CHST11: variants seen among roughly 807,000 people sequenced by gnomAD.
The protein encoded by CHST11 is carbohydrate sulfotransferase 11, also known as C4S-1.
In CHST11, 9 loss-of-function variants were observed where a neutral mutation model predicts 30.4. The ratio of observed to expected loss-of-function variants is 0.30; its 90% CI spans 0.18 to 0.52. CHST11 has a LOEUF of 0.52. CHST11 is among the 20% of genes least tolerant of loss of function. CHST11 has a pLI of 0.97. For synonymous variants in CHST11, 152 were observed against 187.8 expected (o/e 0.81, Z 1.56); for missense variants, 348 against 460.6 (o/e 0.76, Z 2.24).
At chr12:104,484,652 C>CATAT (rs1434736910) in intron 1 of CHST11, among the ~76,000 whole-genome samples, 4 of 152,306 alleles carry the variant, frequency 2.6e-5, no homozygotes, top group Admixed American at 6.5e-5. Flanking sequence ...GTCAGTGATA[C>CATAT]ATATGTATGA....
At chr12:104,746,159 T>C (rs1434545008) in intron 2 of CHST11, among the ~76,000 whole-genome samples, 1 of 152,218 alleles carries the variant, frequency 6.6e-6, no homozygotes. Flanking sequence ...GTGAGATCTA[T>C]GTGGCATCAG....
chr12:104,740,304 CCT>C (rs1566060797), intron 2 of CHST11, among the ~76,000 whole-genome samples: 1 of 152,112 alleles, frequency 6.6e-6, no homozygotes, highest in Non-Finnish European at 1.5e-5. Context: ...TCAAAATACT[CCT>C]CTGAGGTTGA....
chr12:104,664,903 G>T (rs1592825726), intron 2 of CHST11, among the ~76,000 whole-genome samples: 1 of 152,280 alleles, frequency 6.6e-6, no homozygotes, highest in East Asian at 1.9e-4. Context: ...CTTTTTTAAA[G>T]ATACCAAAAT....
At chr12:104,647,943 C>T (rs2039451012) in intron 2 of CHST11, among the ~76,000 whole-genome samples, 1 of 152,204 alleles carries the variant, frequency 6.6e-6, no homozygotes, top group Non-Finnish European at 1.5e-5. Flanking sequence ...AACATGGTGG[C>T]TGCCTTCCCC....
intron 2 of CHST11, among the ~76,000 whole-genome samples, chr12:104,717,751 A>G (rs2040142556): frequency 6.6e-6 from 1 of 152,000 alleles, no homozygotes; most frequent in African/African-American, 2.4e-5. Context: ...AGCCTGGGTG[A>G]CAGAGTGAGA....
At position 104,600,943 on chromosome 12, in the gene CHST11, C is replaced by T. The variant is rs532184518; in HGVS notation, c.119-963C>T. Among the ~76,000 whole-genome samples the T allele has an allele frequency of 9.4e-5, 14 of 148,290 alleles. No individual in the cohort carries two copies. The South Asian group carries it at 3.0e-3, about 32-fold the overall frequency. Reference sequence around the variant, plus strand: ...CTTTTTTCCTTTCCTCCTTCCTTTCCTCCCTCTTTTCCTCTCTCCTTCTTC... The same window carrying T: ...CTTTTTTCCTTTCCTCCTTCCTTTCTTCCCTCTTTTCCTCTCTCCTTCTTC... On this transcript the variant is annotated intron_variant, in intron 1 of 2. Coordinates refer to ENST00000303694, the MANE Select transcript of CHST11 (RefSeq NM_018413.6). This position sits in a 1 kb window ranked among gnomAD's most constrained non-coding sequence, Gnocchi z 4.1.
intron 2 of CHST11, among the ~76,000 whole-genome samples, chr12:104,605,778 G>C (rs2038999065): frequency 6.6e-6 from 1 of 152,120 alleles, no homozygotes; most frequent in Non-Finnish European, 1.5e-5. Flanking sequence ...GCACATCTGC[G>C]GGCCGCTCTG....
At chr12:104,541,866 T>C (rs1171903561) in intron 1 of CHST11, among the ~76,000 whole-genome samples, 1 of 152,106 alleles carries the variant, frequency 6.6e-6, no homozygotes, top group Non-Finnish European at 1.5e-5. Flanking sequence ...GAGGCGGAGG[T>C]TGCAGTGAGC....
At chr12:104,580,401 T>C (rs1463854105) in intron 1 of CHST11, among the ~76,000 whole-genome samples, 1 of 152,236 alleles carries the variant, frequency 6.6e-6, no homozygotes, top group Admixed American at 6.5e-5. Context: ...TTAGATTAGA[T>C]GTTAGGCTGC....
intron 2 of CHST11, among the ~76,000 whole-genome samples, chr12:104,621,518 T>G (rs1032373203): frequency 1.3e-5 from 2 of 152,210 alleles, no homozygotes; most frequent in African/African-American, 4.8e-5. Context: ...GATGGAGAGA[T>G]TATCCTGGAT....
chr12:104,617,910 CTTTTTTT>C (rs112111398), intron 2 of CHST11, among the ~76,000 whole-genome samples: 4 of 146,506 alleles, frequency 2.7e-5, no homozygotes, highest in African/African-American at 1.0e-4. Context: ...TTCCTTTTTC[CTTTTTTT>C]TTTTCCCTTG....
At chr12:104,476,351 A>G (rs1455544348) in intron 1 of CHST11, among the ~76,000 whole-genome samples, 2 of 151,482 alleles carry the variant, frequency 1.3e-5, no homozygotes, top group African/African-American at 4.8e-5. Context: ...TATATGTAAG[A>G]TATGTAATAT....
chr12:104,527,687 T>C (rs12319682), intron 1 of CHST11, among the ~76,000 whole-genome samples: 6,668 of 152,340 alleles, frequency 0.044, 497 homozygotes, highest in African/African-American at 0.15. Flanking sequence ...CTACCCGCTA[T>C]GCCCAACTTA....
chr12:104,505,768 T>G (rs1403545328), intron 1 of CHST11, among the ~76,000 whole-genome samples: 1 of 152,226 alleles, frequency 6.6e-6, no homozygotes, highest in East Asian at 1.9e-4. Context: ...ATGTAGCCGT[T>G]CCTTTCACTC....
chr12:104,707,294 G>A (rs1226493704), intron 2 of CHST11, among the ~76,000 whole-genome samples: 1 of 152,188 alleles, frequency 6.6e-6, no homozygotes, highest in East Asian at 1.9e-4. Context: ...CAGAGTCGGG[G>A]CAGGGGTCCC....
intron 1 of CHST11, among the ~76,000 whole-genome samples, chr12:104,475,690 A>ATATT (rs1593955583): frequency 1.5e-5 from 2 of 129,370 alleles, no homozygotes; most frequent in East Asian, 4.3e-4. Flanking sequence ...ATATATATAT[A>ATATT]TTTCTGATTA....
chr12:104,657,041 G>T (rs772208036), intron 2 of CHST11, among the ~76,000 whole-genome samples: 4 of 151,596 alleles, frequency 2.6e-5, no homozygotes, highest in Non-Finnish European at 5.9e-5. Context: ...AAGAAAGCGT[G>T]GCATTGGGAA....
At position 104,643,236 on chromosome 12, in the gene CHST11, G is replaced by C. The variant is rs534799142; in HGVS notation, c.204+41245G>C. Among the ~76,000 whole-genome samples the C allele has an allele frequency of 3.3e-5, 5 of 152,382 alleles. No individual in the cohort carries two copies. The East Asian group carries it at 7.7e-4, about 23-fold the overall frequency. On this transcript the variant is annotated intron_variant, in intron 2 of 2. Transcript: ENST00000303694. ...AGCTACTTGTGGGAGGCTGAGGCGG[G>C]AGGATAGCTTGAGCCCAAAAATTTG...
chr12:104,581,942 C>G (rs921972919), intron 1 of CHST11, among the ~76,000 whole-genome samples: 1 of 152,100 alleles, frequency 6.6e-6, no homozygotes, highest in Non-Finnish European at 1.5e-5. Flanking sequence ...ACACTCCATC[C>G]AGGAGTTTGG....
Sources: allele counts gnomAD v4.1 joint callset (sites outside exome capture counted in the v4.1 genomes callset), GRCh38; gene constraint gnomAD v4.1.1; non-coding constraint Gnocchi (gnomAD v3.1); transcripts MANE v1.5; gene names NCBI Gene and HGNC (gene_info 2026-07-23, HGNC 2026-07-21).